Variants in GDI2 observed in about 807,000 individuals in gnomAD.
The protein encoded by GDI2 is GDP dissociation inhibitor 2, also known as rab GDP dissociation inhibitor beta.
GDI2 carries 22 observed loss-of-function variants against 54.2 expected under a neutral mutation model. The observed-to-expected ratio is 0.41, with a 90% confidence interval of 0.29 to 0.58. The LOEUF is 0.58. Ranked by LOEUF, GDI2 falls within the 20% of genes least tolerant of loss-of-function variation. The probability of loss-of-function intolerance (pLI) is 0.35; values close to 1 mark genes in which losing one functional copy is unlikely to be tolerated. For synonymous variants in GDI2, 177 were observed against 182.1 expected, an observed-to-expected ratio of 0.97 and a Z score of 0.23; for missense variants, 422 against 546.0, an observed-to-expected ratio of 0.77 and a Z score of 2.26.
intron 7 of GDI2, among the ~76,000 whole-genome samples, chr10:5,772,873 G>A (rs566555377): frequency 3.3e-5 from 5 of 152,008 alleles, no homozygotes; most frequent in East Asian, 1.9e-4. Context: ...CTGTGGGTGC[G>A]GAACACCTTA....
chr10:5,798,697 G>A (rs1025069009), intron 2 of GDI2, among the ~76,000 whole-genome samples: 2 of 149,344 alleles, frequency 1.3e-5, no homozygotes, highest in South Asian at 4.2e-4. Context: ...AATATACTAG[G>A]CCAGGCACAG....
At chr10:5,812,537 G>A (rs73612493) in intron 1 of GDI2, among the ~76,000 whole-genome samples, 233 of 152,202 alleles carry the variant, frequency 1.5e-3, no homozygotes, top group African/African-American at 5.1e-3. Flanking sequence ...AGCATTTGAC[G>A]GACAAGTTTT....
At chr10:5,790,202 G>A (rs577003126) in intron 4 of GDI2, among the ~76,000 whole-genome samples, 1 of 152,346 alleles carries the variant, frequency 6.6e-6, no homozygotes, top group East Asian at 1.9e-4. Context: ...ATTTCAGACA[G>A]ACAATTCATC....
chr10:5,794,188 A>ATATATAT (rs1554789557), intron 4 of GDI2, among the ~76,000 whole-genome samples: 3 of 40,346 alleles, frequency 7.4e-5, no homozygotes, highest in African/African-American at 1.0e-4. Flanking sequence ...AAAAAAAAAA[A>ATATATAT]ATATATATAT....
chr10:5,775,979 T>TCGG, intron 6 of GDI2: 1 of 173,136 alleles, frequency 5.8e-6, no homozygotes, highest in East Asian at 1.8e-4. Context: ...TGCGGCTGCA[T>TCGG]CGCGCTTCCC....
At position 5,785,961 on chromosome 10, in the gene GDI2, C is replaced by G. The variant is rs752074817; in HGVS notation, c.478G>C (p.Gly160Arg). 1 of 1,612,158 alleles carries G rather than the reference C, an allele frequency of 6.2e-7. No homozygotes were observed. The highest frequency in any genetic ancestry group is 1.7e-5 in the Admixed American group (1 of 60,004). The change falls in exon 5 of 11, where the codon GGC becomes CGC. Residue 160 changes from glycine to arginine, a missense_variant. Transcript: ENST00000380191. Reference protein sequence around the residue: ...FDEKDPRTFEGIDPKKTTMRD... With the variant: ...FDEKDPRTFERIDPKKTTMRD... Reference sequence around the variant, plus strand: ...ATTGTGGTCTTCTTAGGATCAATGCCTTCAAAAGTTCTTGGATCTTTTTCA... The same window carrying G: ...ATTGTGGTCTTCTTAGGATCAATGCGTTCAAAAGTTCTTGGATCTTTTTCA...
At chr10:5,795,198 G>A (rs919064999) in intron 3 of GDI2, among the ~76,000 whole-genome samples, 179 bp from the exon 4 acceptor site, 1 of 152,044 alleles carries the variant, frequency 6.6e-6, no homozygotes, top group Non-Finnish European at 1.5e-5. Context: ...GCACAATCAC[G>A]AGCTCACTGC....
Position 5,776,727 on chromosome 10 carries a change from C to T in GDI2, c.720-2786G>A, listed in dbSNP as rs762741370. The T allele has an allele frequency of 6.7e-7, 1 of 1,488,900 alleles. No homozygotes were observed. Among genetic ancestry groups the T allele is most frequent in the Non-Finnish European group, 9.3e-7 (1 of 1,071,602 alleles). The allele number at this position is 1,488,900 out of a possible 1,614,324, so 92.2% of individuals were successfully genotyped here. ...TCAGAAACTGCTACAGCCTCTTTAACCTGGCAGAAGTTTGCAGCAAATACC... is the reference window on the plus strand; with the variant it reads ...TCAGAAACTGCTACAGCCTCTTTAATCTGGCAGAAGTTTGCAGCAAATACC... On this transcript the variant is annotated intron_variant, in intron 6 of 10. Coordinates refer to ENST00000380191, the MANE Select transcript of GDI2 (RefSeq NM_001494.4). The surrounding 1 kb of genome is among the most constrained non-coding windows in gnomAD (Gnocchi z 5.3).
chr10:5,779,850 A>AC (rs903926289), intron 6 of GDI2, among the ~76,000 whole-genome samples: 1 of 151,912 alleles, frequency 6.6e-6, no homozygotes, highest in African/African-American at 2.4e-5. Flanking sequence ...GCATCACCAC[A>AC]CCCAGCTAAT....
At chr10:5,789,395 C>T (rs7076354) in intron 4 of GDI2, among the ~76,000 whole-genome samples, 2,621 of 152,078 alleles carry the variant, frequency 0.017, 27 homozygotes, top group Middle Eastern at 0.041. Context: ...CCACAGTAGC[C>T]GGCCAAATGA....
chr10:5,810,115 T>C (rs553297898), intron 1 of GDI2, among the ~76,000 whole-genome samples: 2 of 152,282 alleles, frequency 1.3e-5, no homozygotes, highest in Admixed American at 1.3e-4. Flanking sequence ...AATTTTAAAA[T>C]CAAGTATAAA....
At chr10:5,808,389 A>G (rs1841419218) in intron 1 of GDI2, among the ~76,000 whole-genome samples, 1 of 151,668 alleles carries the variant, frequency 6.6e-6, no homozygotes, top group South Asian at 2.1e-4. Flanking sequence ...AAGTTCTGTT[A>G]TGGGCTGGGT....
intron 1 of GDI2, among the ~76,000 whole-genome samples, chr10:5,803,011 A>G (rs1425845262): frequency 2.0e-5 from 3 of 152,244 alleles, no homozygotes; most frequent in African/African-American, 7.2e-5. Context: ...CCCTTTTCCA[A>G]TTACATGTCT....
chr10:5,769,633 G>C (rs527849741), intron 7 of GDI2, among the ~76,000 whole-genome samples: 3 of 151,238 alleles, frequency 2.0e-5, no homozygotes, highest in Non-Finnish European at 4.4e-5. Context: ...AGATATGTAA[G>C]TGGCCAATAA....
intron 7 of GDI2, chr10:5,769,190 A>C (rs1033824050): frequency 6.6e-6 from 1 of 152,200 alleles, no homozygotes; most frequent in Non-Finnish European, 1.5e-5. Context: ...CAACTCACAG[A>C]ATGAGAGAAA....
intron 6 of GDI2, among the ~76,000 whole-genome samples, chr10:5,781,251 C>A (rs1840747026): frequency 7.0e-6 from 1 of 142,700 alleles, no homozygotes; most frequent in African/African-American, 2.6e-5. Context: ...TTTAAATGCA[C>A]AGATAAAATT....
At chr10:5,781,295 TAGG>T (rs1414741901) in intron 6 of GDI2, among the ~76,000 whole-genome samples, 9 of 133,370 alleles carry the variant, frequency 6.7e-5, no homozygotes, top group Admixed American at 6.7e-4. Flanking sequence ...AAAAAGACAA[TAGG>T]AGAGTATTTC....
At chr10:5,805,521 C>T (rs551811837) in intron 1 of GDI2, among the ~76,000 whole-genome samples, 2 of 152,218 alleles carry the variant, frequency 1.3e-5, no homozygotes, top group East Asian at 1.9e-4. Context: ...GCTGGAACTA[C>T]AGACATGTGC....
intron 6 of GDI2, 92 bp downstream of exon 6, chr10:5,785,050 G>T: frequency 3.8e-6 from 3 of 782,734 alleles, no homozygotes; most frequent in South Asian, 2.9e-5. Flanking sequence ...CTCATAGACT[G>T]ATCTCATCTC....
Sources: allele counts gnomAD v4.1 joint callset (sites outside exome capture counted in the v4.1 genomes callset), GRCh38; gene constraint gnomAD v4.1.1; non-coding constraint Gnocchi (gnomAD v3.1); transcripts MANE v1.5; gene names NCBI Gene and HGNC (gene_info 2026-07-23, HGNC 2026-07-21).